The following TTLL11 variants were observed in gnomAD, a reference collection of about 807,000 sequenced individuals.
The protein encoded by TTLL11 is tubulin tyrosine ligase like 11, also known as tubulin polyglutamylase TTLL11.
TTLL11 carries 42 observed loss-of-function variants against 51.7 expected under a neutral mutation model. The ratio of observed to expected loss-of-function variants is 0.81; its 90% CI spans 0.64 to 1.05. The LOEUF is 1.05. Among genes scored for constraint, TTLL11 ranks in the 50% least tolerant of loss-of-function variants. The pLI, the probability that TTLL11 is intolerant of heterozygous loss-of-function variation, is 0.00. For synonymous variants in TTLL11, 381 were observed against 383.5 expected (o/e 0.99, Z 0.08); for missense variants, 799 against 940.4 (o/e 0.85, Z 1.97).
chr9:121,890,749 A>T lies in TTLL11; in HGVS notation c.1482-20001T>A, dbSNP rs1839197461. 6.6e-6 allele frequency among the ~76,000 whole-genome samples: 1 copy of T among 152,228 alleles called. No homozygotes were observed. Among genetic ancestry groups the T allele is most frequent in the Non-Finnish European group, 1.5e-5 (1 of 68,044 alleles). On this transcript the variant is annotated intron_variant, in intron 6 of 8. Coordinates refer to ENST00000321582, the MANE Select transcript of TTLL11 (RefSeq NM_001139442.2). This position sits in a 1 kb window ranked among gnomAD's most constrained non-coding sequence, Gnocchi z 4.3. ...TGACTCCTCCATCCTGGTGCAGAGT[A>T]AGTGCTCAATAAACACTGGCTAGGT...
At chr9:121,889,009 T>C (rs1191166034) in intron 6 of TTLL11, among the ~76,000 whole-genome samples, 1 of 152,208 alleles carries the variant, frequency 6.6e-6, no homozygotes, top group African/African-American at 2.4e-5. Flanking sequence ...AGCATGGATT[T>C]TAGTCCAGGT....
intron 6 of TTLL11, among the ~76,000 whole-genome samples, chr9:121,885,861 TG>T (rs1433739460): frequency 6.6e-6 from 1 of 152,184 alleles, no homozygotes; most frequent in East Asian, 1.9e-4. Context: ...CTCAAGTAGC[TG>T]GGACTAAAGG....
At chr9:122,083,460 G>A (rs1172039287) in intron 1 of TTLL11, among the ~76,000 whole-genome samples, 2 of 152,170 alleles carry the variant, frequency 1.3e-5, no homozygotes, top group East Asian at 3.9e-4. Flanking sequence ...TTAAGCCACT[G>A]CTATTTTATG....
chr9:121,898,247 C>T (rs572919275), intron 6 of TTLL11, among the ~76,000 whole-genome samples: 9 of 152,284 alleles, frequency 5.9e-5, no homozygotes, highest in Admixed American at 2.0e-4. Context: ...GCTGTCACCA[C>T]CCCCACCCCC....
intron 6 of TTLL11, among the ~76,000 whole-genome samples, chr9:121,909,783 G>A (rs1840051654): frequency 1.3e-5 from 2 of 152,172 alleles, no homozygotes; most frequent in Non-Finnish European, 2.9e-5. Context: ...GAGCATTCTG[G>A]GCAGGTTTCT....
At chr9:121,933,245 TG>T (rs1841062725) in intron 6 of TTLL11, among the ~76,000 whole-genome samples, 3 of 151,796 alleles carry the variant, frequency 2.0e-5, no homozygotes, top group Non-Finnish European at 4.4e-5. Context: ...AAAATGCGAG[TG>T]GGTACCATAG....
chr9:121,885,222 G>C (rs1838965963), intron 6 of TTLL11: 1 of 152,174 alleles, frequency 6.6e-6, no homozygotes, highest in Non-Finnish European at 1.5e-5. Context: ...CCTGCTTCTT[G>C]CTATTTCCAT....
chr9:121,826,485 A>G (rs187624521), intron 8 of TTLL11, among the ~76,000 whole-genome samples: 1,988 of 73,152 alleles, frequency 0.027, 147 homozygotes, highest in African/African-American at 0.11. Flanking sequence ...ATATATGTAT[A>G]TATATATATG....
chr9:122,069,075 C>CT (rs1845665018), intron 1 of TTLL11, among the ~76,000 whole-genome samples: 1 of 152,146 alleles, frequency 6.6e-6, no homozygotes, highest in African/African-American at 2.4e-5. Context: ...ACATTTGGGC[C>CT]TACTCGTTAC....
chr9:122,031,487 C>T (rs1255586764), intron 3 of TTLL11, among the ~76,000 whole-genome samples: 3 of 152,200 alleles, frequency 2.0e-5, no homozygotes, highest in Non-Finnish European at 4.4e-5. Flanking sequence ...TTGATATCCG[C>T]CTTAGGGCTG....
At chr9:121,958,758 C>T (rs936609108) in intron 6 of TTLL11, among the ~76,000 whole-genome samples, 10 of 152,130 alleles carry the variant, frequency 6.6e-5, no homozygotes, top group African/African-American at 1.7e-4. Flanking sequence ...GACTACCTTG[C>T]GTGGTTGGGC....
chr9:121,924,480 C>A (rs144960322), intron 6 of TTLL11, among the ~76,000 whole-genome samples: 1 of 152,166 alleles, frequency 6.6e-6, no homozygotes, highest in African/African-American at 2.4e-5. Context: ...CTCATCACAA[C>A]GTAGCTGAAA....
At chr9:122,008,627 A>T (rs913278515) in intron 3 of TTLL11, among the ~76,000 whole-genome samples, 1 of 152,232 alleles carries the variant, frequency 6.6e-6, no homozygotes, top group Admixed American at 6.5e-5. Context: ...GTAAATTAGT[A>T]TGGCCATTAT....
intron 3 of TTLL11, among the ~76,000 whole-genome samples, chr9:122,018,121 T>A (rs1480279417): frequency 2.7e-5 from 4 of 150,380 alleles, no homozygotes; most frequent in African/African-American, 9.8e-5. Context: ...TTTTTTTTTT[T>A]TTTTTTTTTG....
At chr9:122,023,329 C>G (rs1844230296) in intron 3 of TTLL11, among the ~76,000 whole-genome samples, 2 of 151,744 alleles carry the variant, frequency 1.3e-5, no homozygotes, top group African/African-American at 4.8e-5. Flanking sequence ...AAAGAAAATA[C>G]CAAGCTCACA....
intron 6 of TTLL11, among the ~76,000 whole-genome samples, chr9:121,873,712 G>T (rs1256933941): frequency 6.6e-6 from 1 of 151,642 alleles, no homozygotes; most frequent in Non-Finnish European, 1.5e-5. Flanking sequence ...AGGCTGGAGT[G>T]CAGTGGTACA....
intron 1 of TTLL11, among the ~76,000 whole-genome samples, chr9:122,042,896 C>G (rs1235358317): frequency 6.6e-6 from 1 of 152,132 alleles, no homozygotes; most frequent in East Asian, 1.9e-4. Flanking sequence ...GGCAAAACTA[C>G]AGAGACAGTA....
At chr9:122,058,706 C>T (rs1346021144) in intron 1 of TTLL11, among the ~76,000 whole-genome samples, 3 of 152,358 alleles carry the variant, frequency 2.0e-5, no homozygotes, top group East Asian at 3.9e-4. Flanking sequence ...CAAATCTTCT[C>T]ATTTTTCACA....
intron 7 of TTLL11, among the ~76,000 whole-genome samples, chr9:121,865,783 C>T (rs938667716): frequency 5.9e-5 from 9 of 152,068 alleles, no homozygotes; most frequent in Non-Finnish European, 1.5e-5. Flanking sequence ...CTATTATGTG[C>T]CTCCTGAGGA....
Sources: allele counts gnomAD v4.1 joint callset (sites outside exome capture counted in the v4.1 genomes callset), GRCh38; gene constraint gnomAD v4.1.1; non-coding constraint Gnocchi (gnomAD v3.1); transcripts MANE v1.5; gene names NCBI Gene and HGNC (gene_info 2026-07-23, HGNC 2026-07-21).